Variants in HOOK1 observed in about 807,000 individuals in gnomAD.
HOOK1 encodes the protein protein Hook homolog 1.
A neutral mutation model predicts 112.8 loss-of-function variants in HOOK1; 60 were observed. The ratio of observed to expected loss-of-function variants is 0.53; its 90% CI spans 0.43 to 0.66. The LOEUF (loss-of-function observed/expected upper bound fraction) is 0.66, where lower values mean the gene tolerates loss of function less well. HOOK1 is among the 30% of genes least tolerant of loss of function. HOOK1 has a pLI of 0.00. For missense variants in HOOK1, 770 were observed against 856.0 expected (o/e 0.90, Z 1.25); for synonymous variants, 294 against 283.8 (o/e 1.04, Z -0.36).
At chr1:59,839,700 G>A (rs970308143) in intron 7 of HOOK1, among the ~76,000 whole-genome samples, 3 of 151,984 alleles carry the variant, frequency 2.0e-5, no homozygotes, top group Non-Finnish European at 4.4e-5. Context: ...TTGCCTGATT[G>A]CCCTGGCCAG....
chr1:59,832,078 GA>G, intron 3 of HOOK1, 84 bp from the exon 4 acceptor site: 1 of 705,260 alleles, frequency 1.4e-6, no homozygotes, highest in South Asian at 2.0e-5. Flanking sequence ...TTAATTAGGG[GA>G]AAGTTTTTAT....
intron 12 of HOOK1, among the ~76,000 whole-genome samples, chr1:59,857,033 T>C (rs2098411106): frequency 6.6e-6 from 1 of 152,202 alleles, no homozygotes. Flanking sequence ...TTGTGTACCA[T>C]AGCCATTATC....
chr1:59,854,378 C>T (rs575518924), intron 12 of HOOK1, among the ~76,000 whole-genome samples: 1 of 151,970 alleles, frequency 6.6e-6, no homozygotes, highest in Admixed American at 6.6e-5. Context: ...ATATAGTTAC[C>T]TCTGTTGGTG....
intron 21 of HOOK1, among the ~76,000 whole-genome samples, chr1:59,872,116 C>G (rs1261849888): frequency 6.6e-6 from 1 of 152,130 alleles, no homozygotes; most frequent in African/African-American, 2.4e-5. Context: ...CATCTAATAT[C>G]CATGTACTGT....
At position 59,815,063 on chromosome 1, in the gene HOOK1, G is replaced by C; in HGVS notation, c.-55G>C. The C allele has an allele frequency of 7.3e-7, 1 of 1,372,856 alleles. No homozygotes were observed. Among genetic ancestry groups the C allele is most frequent in the Non-Finnish European group, 9.4e-7 (1 of 1,065,546 alleles). The allele number at this position is 1,372,856 out of a possible 1,614,324, so 85.0% of individuals were successfully genotyped here. The stretch of plus-strand genomic sequence containing the variant: ...CGTGGACGCCGGCTCCTGGAGGAGA[G>C]CCGGTAGGAGGGAGTGTGAAGGTGT... On this transcript the variant is annotated 5_prime_UTR_variant, in exon 1 of 22. Transcript: ENST00000371208.
rs769023236 is a variant in HOOK1 at position 59,848,426 on chromosome 1, C to T, written c.1041C>T (p.Asn347=). 2.5e-6 allele frequency: 4 copies of T among 1,610,592 alleles called. No individual in the cohort carries two copies. Among genetic ancestry groups the T allele is most frequent in the South Asian group, 2.2e-5 (2 of 90,956 alleles). ...AGGTGAAAACTTTACAGGAAACCAA[C>T]ATGATGTATATGCATAATACAGTCA... ...RKQVKTLQET[N]MMYMHNTVSL... is the part of the protein sequence containing the mutation. Residue 347 remains asparagine (N), a synonymous_variant, in exon 11 of 22, where the codon AAC becomes AAT. Coordinates refer to ENST00000371208, the MANE Select transcript of HOOK1 (RefSeq NM_015888.6).
intron 16 of HOOK1, among the ~76,000 whole-genome samples, chr1:59,863,382 A>T (rs1038491004): frequency 2.0e-5 from 3 of 152,166 alleles, no homozygotes; most frequent in Non-Finnish European, 4.4e-5. Flanking sequence ...AGAAACTTTA[A>T]TGCAGCCTTG....
chr1:59,867,053 A>G (rs1643979091), intron 19 of HOOK1, among the ~76,000 whole-genome samples: 1 of 152,106 alleles, frequency 6.6e-6, no homozygotes, highest in South Asian at 2.1e-4. Flanking sequence ...TGAATACCAC[A>G]TTTTTGCCAC....
At chr1:59,854,027 TA>T (rs1559056928) in intron 12 of HOOK1, among the ~76,000 whole-genome samples, 52 of 29,256 alleles carry the variant, frequency 1.8e-3, no homozygotes, top group Non-Finnish European at 2.6e-3. Flanking sequence ...TATATATATA[TA>T]TATATATATA....
In HOOK1 at chr1:59,875,590, A is replaced by G. The variant is rs80013646; in HGVS notation, c.*2625A>G. 3,745 of 152,500 alleles carry G rather than the reference A, an allele frequency of 0.025. 55 individuals carry two copies. The highest frequency in any genetic ancestry group is 0.034 in the Middle Eastern group (10 of 294). The allele number at this position is 152,500 out of a possible 1,614,324, so 9.4% of individuals were successfully genotyped here. ...CTTGAGTACATATACCAATGAAGAG[A>G]TATTCAGCATTTGTCTATTTGATAA... On this transcript the variant is annotated 3_prime_UTR_variant, in exon 22 of 22. Coordinates refer to ENST00000371208, the MANE Select transcript of HOOK1 (RefSeq NM_015888.6).
At chr1:59,870,954 A>T in intron 20 of HOOK1, 88 bp from the exon 21 acceptor site, 1 of 870,770 alleles carries the variant, frequency 1.1e-6, no homozygotes, top group Non-Finnish European at 1.9e-6. Context: ...AGATTCTCTC[A>T]ATAATGAACA....
chr1:59,858,595 C>A, intron 13 of HOOK1, 80 bp downstream of exon 13: 1 of 928,938 alleles, frequency 1.1e-6, no homozygotes, highest in South Asian at 1.3e-5. Flanking sequence ...AAAACTTAAC[C>A]TGTCATGGTG....
Position 59,873,760 on chromosome 1 carries a change from T to C in HOOK1, c.*795T>C, listed in dbSNP as rs930540892. The stretch of plus-strand genomic sequence containing the variant: ...ATATATATATATATATATATATATA[T>C]ATATACTTTTTGTGAAATGTCTATA... On this transcript the variant is annotated 3_prime_UTR_variant, in exon 22 of 22. Coordinates refer to ENST00000371208, the MANE Select transcript of HOOK1 (RefSeq NM_015888.6). 3 of 144,110 alleles carry C rather than the reference T, an allele frequency of 2.1e-5. No individual in the cohort carries two copies. Among genetic ancestry groups the C allele is most frequent in the African/African-American group, 5.1e-5 (2 of 39,382 alleles). 8.9% of individuals were successfully genotyped at this position (144,110 alleles called of 1,614,324 possible). A position where few individuals can be genotyped will look rare whatever the true frequency, so the allele number is the denominator to read the frequency against.
At chr1:59,867,861 T>A (rs1643994686) in intron 19 of HOOK1, among the ~76,000 whole-genome samples, 1 of 152,180 alleles carries the variant, frequency 6.6e-6, no homozygotes, top group South Asian at 2.1e-4. Context: ...AAATCAATGT[T>A]TCCTTAGAGT....
At chr1:59,844,099 A>C (rs891063813) in intron 9 of HOOK1, among the ~76,000 whole-genome samples, 1 of 151,996 alleles carries the variant, frequency 6.6e-6, no homozygotes, top group Non-Finnish European at 1.5e-5. Flanking sequence ...CTCTAATTGT[A>C]CTATACATAT....
intron 12 of HOOK1, among the ~76,000 whole-genome samples, chr1:59,850,680 G>A (rs762236483): frequency 1.3e-5 from 2 of 151,436 alleles, no homozygotes; most frequent in Non-Finnish European, 3.0e-5. Flanking sequence ...TACTTTAATG[G>A]TGTATACATG....
intron 19 of HOOK1, among the ~76,000 whole-genome samples, chr1:59,867,359 T>G (rs1643983708): frequency 6.6e-6 from 1 of 152,182 alleles, no homozygotes. Flanking sequence ...TGCTGAATCC[T>G]CATCTGCCAG....
chr1:59,821,970 A>G, intron 2 of HOOK1, 27 bp downstream of exon 2: 3 of 1,556,326 alleles, frequency 1.9e-6, no homozygotes, highest in Non-Finnish European at 2.7e-6. Flanking sequence ...CTCTCCCTGA[A>G]AAGCATTGTA....
intron 16 of HOOK1, 124 bp from the exon 17 acceptor site, chr1:59,864,508 A>G (rs1404447050): frequency 3.2e-6 from 2 of 620,894 alleles, no homozygotes; most frequent in Non-Finnish European, 5.7e-6. Flanking sequence ...GGAAATACAA[A>G]TTTTAAAAAT....
Sources: gnomAD v4.1 joint callset for allele counts (sites outside exome capture counted in the v4.1 genomes callset) on GRCh38, gnomAD v4.1.1 for gene constraint, MANE v1.5 for transcripts, NCBI Gene and HGNC (gene_info 2026-07-23, HGNC 2026-07-21) for gene names.